The following SRCAP variants were observed in gnomAD, a reference collection of about 807,000 sequenced individuals.
SRCAP encodes the protein chromatin remodeling protein SRCAP.
In SRCAP, 46 loss-of-function variants were observed where a neutral mutation model predicts 263.1. That is an observed-to-expected ratio of 0.17 (90% CI 0.14 to 0.22). SRCAP has a LOEUF of 0.22. Ranked by LOEUF, SRCAP falls within the 10% of genes least tolerant of loss-of-function variation. The probability of loss-of-function intolerance (pLI) is 1.00; values close to 1 mark genes in which losing one functional copy is unlikely to be tolerated. For synonymous variants in SRCAP, 1,813 were observed against 1,662.1 expected (o/e 1.09, Z -2.21); for missense variants, 3,695 against 4,181.9 (o/e 0.88, Z 3.21).
In SRCAP at chr16:30,738,213, A is replaced by G. The variant is rs761373575; in HGVS notation, c.8173A>G (p.Ser2725Gly). 1 of 1,614,160 alleles carries G rather than the reference A, an allele frequency of 6.2e-7. No individual in the cohort carries two copies. The highest frequency in any genetic ancestry group is 8.5e-7 in the Non-Finnish European group (1 of 1,180,016). ...TGCCCGACCTCCTCGGCGTCGCACC[A>G]GTGCTGATGTGGAAATTAGGGGTCA... ...SPARPPRRRTSADVEIRGQGT... is the reference protein window; with the variant it reads ...SPARPPRRRTGADVEIRGQGT... Residue 2725 changes from serine (S) to glycine (G), a missense_variant, in exon 34 of 34, where the codon AGT becomes GGT. Ser to Gly is a moderately conservative substitution (Grantham distance 56). Around this residue, in one of 12 missense-constraint regions of SRCAP, gnomAD observed 1,207 missense variants for 1,142.9 expected, o/e 1.06. Coordinates refer to ENST00000262518, the MANE Select transcript of SRCAP (RefSeq NM_006662.3).
intron 18 of SRCAP, among the ~76,000 whole-genome samples, chr16:30,717,297 TTGTG>T (rs1358567519): frequency 2.0e-5 from 3 of 152,156 alleles, no homozygotes; most frequent in Non-Finnish European, 4.4e-5. Flanking sequence ...TTTTGGGTGT[TTGTG>T]TGGTGGTTGT....
At position 30,722,167 on chromosome 16, in the gene SRCAP, G is replaced by A. The variant is rs754130604; in HGVS notation, c.3587G>A (p.Arg1196His). The change falls in exon 22 of 34, where the codon CGT becomes CAT. Residue 1196 changes from arginine to histidine, a missense_variant. Transcript: ENST00000262518. ...GGGCAGTTAGCCTCACTGGCACAACGTCCAGTGGCTAATGCAGGGGGAAGC... is the reference window on the plus strand; with the variant it reads ...GGGCAGTTAGCCTCACTGGCACAACATCCAGTGGCTAATGCAGGGGGAAGC... ...SIGQLASLAQ[R>H]PVANAGGSKP... 20 of 1,614,046 alleles carry A rather than the reference G, an allele frequency of 1.2e-5. No individual in the cohort carries two copies. Among genetic ancestry groups the A allele is most frequent in the Admixed American group, 3.3e-5 (2 of 60,000 alleles).
Position 30,707,678 on chromosome 16 carries a change from A to G in SRCAP, c.599A>G (p.Lys200Arg). Residue 200 changes from lysine (K) to arginine (R), a missense_variant, in exon 6 of 34, where the codon AAG becomes AGG. Coordinates refer to ENST00000262518, the MANE Select transcript of SRCAP (RefSeq NM_006662.3). ...KLRRIASTMA[K>R]DVRQFWSNVE... ...CGTCGAATTGCTTCCACCATGGCCA[A>G]GGATGTCAGGCAGTTCTGGAGCAAT... 2 of 1,614,210 alleles carry G rather than the reference A, an allele frequency of 1.2e-6. No individual in the cohort carries two copies. Among genetic ancestry groups the G allele is most frequent in the Non-Finnish European group, 1.7e-6 (2 of 1,180,044 alleles).
intron 27 of SRCAP, among the ~76,000 whole-genome samples, chr16:30,731,974 G>GTC (rs2053118348): frequency 6.6e-6 from 1 of 151,754 alleles, no homozygotes; most frequent in Non-Finnish European, 1.5e-5. Context: ...GCGAAACCCT[G>GTC]TCTCTACAAA....
Position 30,716,443 on chromosome 16 carries a change from T to C in SRCAP, c.2781T>C (p.Ser927=). ...ITPGICFSTA[S]LVLRATDVHP... ...CAGGCATCTGCTTCAGCACCGCCTC[T>C]CTGGTGCTAAGGGCCACGGATGTCC... is the stretch of plus-strand genomic sequence containing the variant. The change falls in exon 18 of 34, where the codon TCT becomes TCC. Residue 927 remains serine, a synonymous_variant. Coordinates refer to ENST00000262518, the MANE Select transcript of SRCAP (RefSeq NM_006662.3). 6.2e-7 allele frequency: 1 copy of C among 1,614,188 alleles called. No individual in the cohort carries two copies. The highest frequency in any genetic ancestry group is 8.5e-7 in the Non-Finnish European group (1 of 1,180,040).
rs2053136438 is a variant in SRCAP, at chr16:30,734,023, CT to C, written c.6609+19del. ...ATTTCAAACAGGTACTAAGTAAGAT[CT>C]TTTAGCCTATGCAGGAGAAAACTGC... On this transcript the variant is annotated intron_variant, in intron 30 of 33. Transcript: ENST00000262518. The C allele has an allele frequency of 1.9e-6, 3 of 1,585,150 alleles. No homozygotes were observed. Among genetic ancestry groups the C allele is most frequent in the South Asian group, 2.3e-5 (2 of 87,612 alleles).
intron 10 of SRCAP, 61 bp from the exon 11 acceptor site, chr16:30,711,510 A>T: frequency 2.0e-6 from 3 of 1,508,364 alleles, no homozygotes; most frequent in Non-Finnish European, 2.7e-6. Flanking sequence ...AACTGGTACT[A>T]CTCAGACCTC....
At chr16:30,734,428 G>T in intron 30 of SRCAP, 68 bp from the exon 31 acceptor site, 2 of 1,600,894 alleles carry the variant, frequency 1.2e-6, no homozygotes, top group Non-Finnish European at 1.7e-6. Flanking sequence ...AGAACCATCA[G>T]CCTTACAGCT....
Position 30,723,877 on chromosome 16 carries a change from C to G in SRCAP, c.4453C>G (p.Pro1485Ala), listed in dbSNP as rs1010018739. 4 of 1,614,016 alleles carry G rather than the reference C, an allele frequency of 2.5e-6. No individual in the cohort carries two copies. The highest frequency in any genetic ancestry group is 3.4e-6 in the Non-Finnish European group (4 of 1,180,030). Residue 1485 changes from proline to alanine, a missense_variant, in exon 25 of 34, where the codon CCA becomes GCA. Pro to Ala is a conservative substitution (Grantham distance 27). Around this residue, in one of 12 missense-constraint regions of SRCAP, gnomAD observed 1,347 missense variants for 1,304.4 expected, o/e 1.03. Coordinates refer to ENST00000262518, the MANE Select transcript of SRCAP (RefSeq NM_006662.3). ...GACTCCACCATTGGCACCTGTTGTC[C>G]CAGCGGCTCCTGGACCTCCCTCCTT... Reference protein sequence around the residue: ...SVTPPLAPVVPAAPGPPSLAP... With the variant: ...SVTPPLAPVVAAAPGPPSLAP...
chr16:30,703,928 G>T, intron 3 of SRCAP, 136 bp from the exon 4 acceptor site: 1 of 1,082,376 alleles, frequency 9.2e-7, no homozygotes, highest in Non-Finnish European at 1.3e-6. Context: ...TATCCCGAAC[G>T]TTTGTGTTTA....
intron 21 of SRCAP, among the ~76,000 whole-genome samples, 158 bp downstream of exon 21, chr16:30,721,634 A>G (rs917405568): frequency 1.3e-5 from 2 of 152,164 alleles, no homozygotes; most frequent in Non-Finnish European, 1.5e-5. Context: ...TTCAGCCAGG[A>G]GTTTGGAGCT....
chr16:30,718,900 CT>C (rs769660970), intron 18 of SRCAP, among the ~76,000 whole-genome samples: 340 of 142,990 alleles, frequency 2.4e-3, no homozygotes, highest in Middle Eastern at 7.5e-3. Flanking sequence ...GTTATTACTA[CT>C]TTTTTTTTTT....
chr16:30,728,591 C>T (rs1243492678), intron 25 of SRCAP, among the ~76,000 whole-genome samples: 1 of 152,160 alleles, frequency 6.6e-6, no homozygotes, highest in African/African-American at 2.4e-5. Flanking sequence ...GGCTATAGTC[C>T]TGGAGTTGAG....
At position 30,737,177 on chromosome 16, in the gene SRCAP, C is replaced by T. The variant is rs768555151; in HGVS notation, c.7137C>T (p.His2379=). 3 of 1,614,066 alleles carry T rather than the reference C, an allele frequency of 1.9e-6. No homozygotes were observed. Among genetic ancestry groups the T allele is most frequent in the Non-Finnish European group, 2.5e-6 (3 of 1,180,008 alleles). The part of the protein sequence containing the change: ...ESSCGTGGGT[H]RRSKKAKAPE... ...CCTGTGGGACTGGTGGAGGCACCCA[C>T]CGGCGCAGTAAAAAGGCCAAAGCCC... The change falls in exon 34 of 34, where the codon CAC becomes CAT. Residue 2379 remains histidine (H), a synonymous_variant. Coordinates refer to ENST00000262518, the MANE Select transcript of SRCAP (RefSeq NM_006662.3).
At position 30,711,910 on chromosome 16, in the gene SRCAP, C is replaced by G; in HGVS notation, c.1568C>G (p.Ser523Ter). The change falls in exon 12 of 34, where the codon TCA (serine) becomes TGA (stop). Residue 523 changes from serine to a stop codon, truncating the protein, a stop_gained. Coordinates refer to ENST00000262518, the MANE Select transcript of SRCAP (RefSeq NM_006662.3). LOFTEE classifies it high-confidence loss of function. ...EEEETSGSSASEESESEESED... is the reference protein window; with the variant it reads ...EEEETSGSSA ...GAAGAAACAAGTGGAAGTTCAGCAT[C>G]AGAGGAATCTGAGTCTGAAGAGTCT... 1 of 1,613,854 alleles carries G rather than the reference C, an allele frequency of 6.2e-7. No individual in the cohort carries two copies. The highest frequency in any genetic ancestry group is 8.5e-7 in the Non-Finnish European group (1 of 1,179,996).
intron 31 of SRCAP, among the ~76,000 whole-genome samples, chr16:30,734,899 A>G (rs1232991501): frequency 6.6e-6 from 1 of 152,112 alleles, no homozygotes; most frequent in African/African-American, 2.4e-5. Context: ...CTCACTTTCT[A>G]TTAAAAGTAA....
intron 25 of SRCAP, among the ~76,000 whole-genome samples, 164 bp from the exon 26 acceptor site, chr16:30,728,802 T>C (rs562825967): frequency 6.6e-6 from 1 of 152,296 alleles, no homozygotes; most frequent in South Asian, 2.1e-4. Context: ...ACATAACTTC[T>C]GAGAAAGAAT....
At chr16:30,720,394 G>T in intron 19 of SRCAP, 63 bp downstream of exon 19, 1 of 1,548,632 alleles carries the variant, frequency 6.5e-7, no homozygotes, top group East Asian at 2.3e-5. Flanking sequence ...TGCCCAGAGG[G>T]GCCTGGGGTG....
At position 30,724,238 on chromosome 16, in the gene SRCAP, C is replaced by G. The variant is rs1204490992; in HGVS notation, c.4814C>G (p.Pro1605Arg). 26 of 1,614,050 alleles carry G rather than the reference C, an allele frequency of 1.6e-5. No individual in the cohort carries two copies. Among genetic ancestry groups the G allele is most frequent in the Non-Finnish European group, 2.2e-5 (26 of 1,180,030 alleles). The change falls in exon 25 of 34, where the codon CCT (proline) becomes CGT (arginine). Residue 1605 changes from proline (P) to arginine (R), a missense_variant. Physicochemically the swap from Pro to Arg is moderately radical, Grantham distance 103 (BLOSUM62 -2). Around this residue, in one of 12 missense-constraint regions of SRCAP, gnomAD observed 1,347 missense variants for 1,304.4 expected, o/e 1.03. Transcript: ENST00000262518. ...TAILAPSPAPPLAPLPVLAPS... is the reference protein window; with the variant it reads ...TAILAPSPAPRLAPLPVLAPS... ...ATTCTGGCTCCTTCTCCAGCTCCTC[C>G]TCTGGCTCCTCTTCCGGTCCTGGCA...
Sources: gnomAD v4.1 joint callset for allele counts (sites outside exome capture counted in the v4.1 genomes callset) on GRCh38, gnomAD v4.1.1 for gene constraint, gnomAD v4.1.1 regional missense constraint, MANE v1.5 for transcripts, NCBI Gene and HGNC (gene_info 2026-07-23, HGNC 2026-07-21) for gene names.